PCGF5: variants seen among roughly 807,000 people sequenced by gnomAD.
PCGF5 encodes the protein polycomb group ring finger 5.
PCGF5 carries 9 observed loss-of-function variants against 44.3 expected under a neutral mutation model. The ratio of observed to expected loss-of-function variants is 0.20; its 90% CI spans 0.12 to 0.35. PCGF5 has a LOEUF of 0.35. Among genes scored for constraint, PCGF5 ranks in the 10% least tolerant of loss-of-function variants. PCGF5 has a pLI of 1.00. For synonymous variants in PCGF5, 95 were observed against 102.5 expected, an observed-to-expected ratio of 0.93 and a Z score of 0.44; for missense variants, 146 against 305.3, an observed-to-expected ratio of 0.48 and a Z score of 3.89.
rs750014509 is a variant in PCGF5, at chr10:91,222,967, G to A, written c.96G>A (p.Thr32=). 1.1e-5 allele frequency: 18 copies of A among 1,594,276 alleles called. No homozygotes were observed. The highest frequency in any genetic ancestry group is 7.7e-5 in the South Asian group (7 of 90,664). ...ATCTGATCAAGCCAACAACAGTGACGGAATGCCTCCATACATGTAAGTATT... is the reference window on the plus strand; with the variant it reads ...ATCTGATCAAGCCAACAACAGTGACAGAATGCCTCCATACATGTAAGTATT... ...KGYLIKPTTV[T]ECLHTFCKTC... is the part of the protein sequence containing the mutation. The change falls in exon 2 of 10, where the codon ACG becomes ACA. Residue 32 remains threonine (T), a synonymous_variant. Coordinates refer to ENST00000336126, the MANE Select transcript of PCGF5 (RefSeq NM_032373.5).
intron 1 of PCGF5, among the ~76,000 whole-genome samples, chr10:91,204,283 C>G (rs753050430): frequency 6.6e-6 from 1 of 151,786 alleles, no homozygotes; most frequent in Non-Finnish European, 1.5e-5. Context: ...ATAAATTGAA[C>G]TTATTGGATT....
At chr10:91,261,959 A>G (rs1453010772) in intron 7 of PCGF5, among the ~76,000 whole-genome samples, 1 of 152,244 alleles carries the variant, frequency 6.6e-6, no homozygotes, top group East Asian at 1.9e-4. Flanking sequence ...CTGCCCTGAT[A>G]TTAATCACAG....
At chr10:91,175,369 G>C (rs1272992971) in intron 1 of PCGF5, among the ~76,000 whole-genome samples, 1 of 152,162 alleles carries the variant, frequency 6.6e-6, no homozygotes, top group Non-Finnish European at 1.5e-5. Flanking sequence ...ACCTAGGATA[G>C]GTAATTCAGT....
chr10:91,211,755 G>T (rs1320323216), intron 1 of PCGF5, among the ~76,000 whole-genome samples: 1 of 152,222 alleles, frequency 6.6e-6, no homozygotes, highest in Non-Finnish European at 1.5e-5. Flanking sequence ...GAAGCTAGAG[G>T]TTGGCATTCA....
chr10:91,228,283 G>A (rs568318537), intron 2 of PCGF5, among the ~76,000 whole-genome samples: 1 of 152,224 alleles, frequency 6.6e-6, no homozygotes, highest in Admixed American at 6.5e-5. Context: ...AGGACAAAGG[G>A]GCTATGTTCC....
intron 1 of PCGF5, among the ~76,000 whole-genome samples, chr10:91,196,683 T>C (rs188959774): frequency 6.6e-6 from 1 of 152,322 alleles, no homozygotes; most frequent in East Asian, 1.9e-4. Context: ...TGACAAATGC[T>C]ATTTGTGTAT....
At chr10:91,179,212 T>C (rs1431992083) in intron 1 of PCGF5, among the ~76,000 whole-genome samples, 1 of 152,164 alleles carries the variant, frequency 6.6e-6, no homozygotes, top group East Asian at 1.9e-4. Flanking sequence ...TCTGAACTAG[T>C]GTGGTCTCTT....
At chr10:91,276,114 A>T (rs1414451171) in intron 9 of PCGF5, among the ~76,000 whole-genome samples, 1 of 152,118 alleles carries the variant, frequency 6.6e-6, no homozygotes, top group Admixed American at 6.5e-5. Flanking sequence ...TGAAAAAAAA[A>T]AACGAATGTA....
At chr10:91,244,274 G>A (rs1259455357) in intron 3 of PCGF5, among the ~76,000 whole-genome samples, 1 of 152,134 alleles carries the variant, frequency 6.6e-6, no homozygotes, top group African/African-American at 2.4e-5. Context: ...GAGACTGTGA[G>A]AGGTTAACCA....
upstream of PCGF5, among the ~76,000 whole-genome samples, chr10:91,158,284 C>T (rs1843343876): frequency 6.6e-6 from 1 of 152,206 alleles, no homozygotes; most frequent in Non-Finnish European, 1.5e-5. Flanking sequence ...CCTGGCTTTA[C>T]ACCATTAAAA....
chr10:91,249,645 C>T (rs7068527), intron 5 of PCGF5, among the ~76,000 whole-genome samples: 19,833 of 151,440 alleles, frequency 0.13, 2,436 homozygotes, highest in African/African-American at 0.32. Flanking sequence ...ATGAGATCTC[C>T]CTTTTTTAAT....
At chr10:91,225,245 G>C (rs1482728469) in intron 2 of PCGF5, among the ~76,000 whole-genome samples, 2 of 144,854 alleles carry the variant, frequency 1.4e-5, no homozygotes, top group Non-Finnish European at 3.0e-5. Context: ...ATGTATATAT[G>C]ATATATATCG....
intron 1 of PCGF5, among the ~76,000 whole-genome samples, chr10:91,213,719 C>T (rs1844494613): frequency 6.6e-6 from 1 of 151,758 alleles, no homozygotes; most frequent in Non-Finnish European, 1.5e-5. Context: ...CTCCCGACCT[C>T]AGAGAGGTCC....
At chr10:91,162,965 C>T (rs1283238475), upstream of PCGF5, 1 of 145,234 alleles carries the variant, frequency 6.9e-6, no homozygotes, top group African/African-American at 2.5e-5. Context: ...CTCGCACCCC[C>T]GCTGCCCCGC....
chr10:91,278,446 C>A lies in PCGF5; in HGVS notation c.*130C>A. The A allele has an allele frequency of 1.3e-6, 1 of 798,464 alleles. No individual in the cohort carries two copies. The highest frequency in any genetic ancestry group is 2.1e-6 in the Non-Finnish European group (1 of 472,164). 49.5% of individuals were successfully genotyped at this position (798,464 alleles called of 1,614,324 possible). A position where few individuals can be genotyped will look rare whatever the true frequency, so the allele number is the denominator to read the frequency against. On this transcript the variant is annotated 3_prime_UTR_variant, in exon 10 of 10. Transcript: ENST00000336126. ...TTCAGCATGCAAATAAGGCCATTGT[C>A]TATCTCTAAATTGTCAGTTGCATTC...
chr10:91,265,745 A>G (rs1404250472), intron 8 of PCGF5, among the ~76,000 whole-genome samples: 1 of 152,196 alleles, frequency 6.6e-6, no homozygotes, highest in Non-Finnish European at 1.5e-5. Flanking sequence ...ATATCATATA[A>G]TAATAAATGA....
chr10:91,228,217 A>T (rs1022653308), intron 2 of PCGF5, among the ~76,000 whole-genome samples: 5 of 152,120 alleles, frequency 3.3e-5, no homozygotes, highest in African/African-American at 9.7e-5. Flanking sequence ...CTTAGAATGT[A>T]TCTGCTGGGT....
At chr10:91,197,010 A>G (rs1844145706) in intron 1 of PCGF5, among the ~76,000 whole-genome samples, 1 of 152,084 alleles carries the variant, frequency 6.6e-6, no homozygotes, top group Non-Finnish European at 1.5e-5. Flanking sequence ...TTTTTAAACA[A>G]CAACAACAAA....
chr10:91,211,182 C>T (rs1262521762), intron 1 of PCGF5, among the ~76,000 whole-genome samples: 1 of 152,176 alleles, frequency 6.6e-6, no homozygotes, highest in Non-Finnish European at 1.5e-5. Flanking sequence ...TTGAACATTG[C>T]TTGAATGTCA....
Sources: allele counts gnomAD v4.1 joint callset (sites outside exome capture counted in the v4.1 genomes callset), GRCh38; gene constraint gnomAD v4.1.1; transcripts MANE v1.5; gene names NCBI Gene and HGNC (gene_info 2026-07-23, HGNC 2026-07-21).